Variants in KCTD16 observed in about 807,000 individuals in gnomAD.
The protein encoded by KCTD16 is BTB/POZ domain-containing protein KCTD16.
KCTD16 carries 13 observed loss-of-function variants against 33.2 expected under a neutral mutation model. That is an observed-to-expected ratio of 0.39 (90% CI 0.25 to 0.62). KCTD16 has a LOEUF of 0.62. Among genes scored for constraint, KCTD16 ranks in the 20% least tolerant of loss-of-function variants. The probability of loss-of-function intolerance (pLI) is 0.50; values close to 1 mark genes in which losing one functional copy is unlikely to be tolerated. For synonymous variants in KCTD16, 197 were observed against 195.3 expected (o/e 1.01, Z -0.07); for missense variants, 441 against 525.1 (o/e 0.84, Z 1.57).
At chr5:144,358,543 G>A (rs1751627270) in intron 3 of KCTD16, among the ~76,000 whole-genome samples, 1 of 152,162 alleles carries the variant, frequency 6.6e-6, no homozygotes, top group South Asian at 2.1e-4. Context: ...AGATCCTGGG[G>A]CAGAAGGTAC....
chr5:144,294,843 T>A (rs1470917956), intron 3 of KCTD16, among the ~76,000 whole-genome samples: 4 of 152,166 alleles, frequency 2.6e-5, no homozygotes, highest in African/African-American at 7.2e-5. Flanking sequence ...TGTATGGAAG[T>A]GAATTTAGGT....
At chr5:144,262,430 A>G (rs150554183) in intron 3 of KCTD16, among the ~76,000 whole-genome samples, 1,955 of 152,346 alleles carry the variant, frequency 0.013, 39 homozygotes, top group African/African-American at 0.045. Context: ...CAAGCAAGGA[A>G]ATAACATGAC....
rs1751334891 is a variant in KCTD16, at chr5:144,299,138, ATATATATATATTTTTTTT to A, written c.832+91594_832+91611del. On this transcript the variant is annotated intron_variant, in intron 3 of 3. Transcript: ENST00000512467. Reference sequence around the variant, plus strand: ...TATATATATATATATATATATATATATATATATATATTTTTTTTTTTTTTTTTAACCTGTCACTGAGCT... The same window carrying A: ...TATATATATATATATATATATATATATTTTTTTTTAACCTGTCACTGAGCT... Among the ~76,000 whole-genome samples the A allele has an allele frequency of 2.4e-4, 7 of 29,234 alleles. No individual in the cohort carries two copies. The African/African-American group carries it at 2.6e-3, about 11-fold the overall frequency. 19.2% of individuals were successfully genotyped at this position (29,234 alleles called of 152,430 possible).
intron 3 of KCTD16, among the ~76,000 whole-genome samples, chr5:144,461,289 C>A (rs1754188485): frequency 6.6e-6 from 1 of 152,124 alleles, no homozygotes; most frequent in South Asian, 2.1e-4. Context: ...CACAACAATT[C>A]CAGAATTGGA....
At chr5:144,389,273 CAGG>C (rs1438438201) in intron 3 of KCTD16, among the ~76,000 whole-genome samples, 4 of 152,170 alleles carry the variant, frequency 2.6e-5, no homozygotes, top group African/African-American at 9.7e-5. Flanking sequence ...GGCCACACAG[CAGG>C]AGGTGAATGG....
chr5:144,260,934 C>T (rs1754990715), intron 3 of KCTD16, among the ~76,000 whole-genome samples: 1 of 151,806 alleles, frequency 6.6e-6, no homozygotes, highest in African/African-American at 2.4e-5. Context: ...ATAATTAACT[C>T]TATAGGCTGG....
chr5:144,367,736 T>C (rs1166150069), intron 3 of KCTD16, among the ~76,000 whole-genome samples: 1 of 151,240 alleles, frequency 6.6e-6, no homozygotes, highest in Non-Finnish European at 1.5e-5. Context: ...AGGGGATTCA[T>C]GTGCAGGTTT....
intron 3 of KCTD16, among the ~76,000 whole-genome samples, chr5:144,424,762 G>A (rs759265844): frequency 2.0e-5 from 3 of 152,058 alleles, no homozygotes; most frequent in Admixed American, 1.3e-4. Flanking sequence ...TTTATCAAAA[G>A]CCCACTTCTG....
chr5:144,410,809 G>C (rs191849857), intron 3 of KCTD16, among the ~76,000 whole-genome samples: 2 of 152,128 alleles, frequency 1.3e-5, no homozygotes, highest in South Asian at 4.1e-4. Context: ...AAGTTATCTT[G>C]TGCTAATTTG....
rs146034771 is a variant in KCTD16, at chr5:144,401,905, A to G, written c.833-71755A>G. ...ATATGTGATAGAAGGGGATGTATGA[A>G]TCTAGGCATGTTGGATTCCTGTTCT... On this transcript the variant is annotated intron_variant, in intron 3 of 3. Transcript: ENST00000512467. Among the ~76,000 whole-genome samples the G allele has an allele frequency of 4.0e-3, 604 of 152,316 alleles. 3 individuals carry two copies. The highest frequency in any genetic ancestry group is 0.018 in the Admixed American group (270 of 15,294).
chr5:144,340,334 G>A (rs1437405722), intron 3 of KCTD16, among the ~76,000 whole-genome samples: 4 of 149,406 alleles, frequency 2.7e-5, no homozygotes, highest in Admixed American at 6.7e-5. Context: ...CCCGGGAGGC[G>A]TAGCTTGCAG....
At chr5:144,397,408 G>A (rs1413564314) in intron 3 of KCTD16, among the ~76,000 whole-genome samples, 2 of 152,136 alleles carry the variant, frequency 1.3e-5, no homozygotes, top group Non-Finnish European at 2.9e-5. Context: ...CTTTATAGCA[G>A]CATGATTTAT....
chr5:144,383,120 C>T (rs1055390066), intron 3 of KCTD16: 3 of 152,126 alleles, frequency 2.0e-5, no homozygotes, highest in Non-Finnish European at 4.4e-5. Flanking sequence ...GCCATTTCAC[C>T]TTCCCTGGTA....
intron 3 of KCTD16, among the ~76,000 whole-genome samples, chr5:144,282,935 A>G (rs1385663030): frequency 6.6e-6 from 1 of 152,180 alleles, no homozygotes; most frequent in Non-Finnish European, 1.5e-5. Flanking sequence ...CCAGCCAAGG[A>G]GAATAAAAAG....
chr5:144,432,780 A>G (rs1753493682), intron 3 of KCTD16, among the ~76,000 whole-genome samples: 1 of 151,944 alleles, frequency 6.6e-6, no homozygotes, highest in Non-Finnish European at 1.5e-5. Context: ...ATTGCCCTAG[A>G]CTTTCTTTTT....
intron 3 of KCTD16, among the ~76,000 whole-genome samples, chr5:144,458,927 A>G (rs1754132669): frequency 6.6e-6 from 1 of 152,196 alleles, no homozygotes; most frequent in African/African-American, 2.4e-5. Flanking sequence ...AATTAACCAG[A>G]ATGCATATTT....
At chr5:144,293,240 T>C (rs1323764433) in intron 3 of KCTD16, among the ~76,000 whole-genome samples, 1 of 152,290 alleles carries the variant, frequency 6.6e-6, no homozygotes, top group East Asian at 1.9e-4. Context: ...ACTTTTACAG[T>C]CTATCCTAAT....
At chr5:144,365,714 C>T (rs997651430) in intron 3 of KCTD16, among the ~76,000 whole-genome samples, 1 of 152,098 alleles carries the variant, frequency 6.6e-6, no homozygotes, top group African/African-American at 2.4e-5. Context: ...ATGAACGTGC[C>T]AAGTTGCAAT....
intron 3 of KCTD16, among the ~76,000 whole-genome samples, chr5:144,209,060 A>C (rs1407281116): frequency 1.3e-5 from 2 of 152,202 alleles, no homozygotes; most frequent in Non-Finnish European, 2.9e-5. Context: ...ATCTTCTCCA[A>C]ACTTTTTGGA....
Sources: allele counts gnomAD v4.1 joint callset (sites outside exome capture counted in the v4.1 genomes callset), GRCh38; gene constraint gnomAD v4.1.1; transcripts MANE v1.5; gene names NCBI Gene and HGNC (gene_info 2026-07-23, HGNC 2026-07-21).